Variants in POFUT3 observed in about 807,000 individuals in gnomAD.
POFUT3 encodes the protein protein O-fucosyltransferase 3, also known as GDP-fucose protein O-fucosyltransferase 3.
the POFUT3 span, among the ~76,000 whole-genome samples, chr8:33,408,478 T>A: frequency 6.6e-6 from 1 of 152,096 alleles, no homozygotes; most frequent in South Asian, 2.1e-4. Context: ...CTCAGGACAG[T>A]TAGTCATTTC....
the POFUT3 span, among the ~76,000 whole-genome samples, chr8:33,366,714 A>C: frequency 6.6e-6 from 1 of 152,216 alleles, no homozygotes; most frequent in Non-Finnish European, 1.5e-5. Context: ...TATCATTGGC[A>C]ACAAATTCTG....
At chr8:33,332,416 GA>G in the POFUT3 span, among the ~76,000 whole-genome samples, 3 of 150,010 alleles carry the variant, frequency 2.0e-5, no homozygotes, top group African/African-American at 4.9e-5. Context: ...GCTTAAACCT[GA>G]AAGGTTGCAG....
At chr8:33,396,299 C>G in the POFUT3 span, among the ~76,000 whole-genome samples, 1 of 152,152 alleles carries the variant, frequency 6.6e-6, no homozygotes, top group Non-Finnish European at 1.5e-5. Flanking sequence ...TTTTGCTCCA[C>G]CAGCCCTTCA....
the POFUT3 span, among the ~76,000 whole-genome samples, chr8:33,378,839 C>T: frequency 6.6e-6 from 1 of 152,092 alleles, no homozygotes; most frequent in African/African-American, 2.4e-5. Flanking sequence ...CAAAAGGTAA[C>T]AATAGCAACA....
the POFUT3 span, among the ~76,000 whole-genome samples, chr8:33,444,750 A>G: frequency 1.3e-5 from 2 of 152,056 alleles, no homozygotes; most frequent in Non-Finnish European, 2.9e-5. Context: ...CCCAGGAGGC[A>G]GAGGTTGTAG....
At chr8:33,399,699 G>A in the POFUT3 span, among the ~76,000 whole-genome samples, 7 of 151,416 alleles carry the variant, frequency 4.6e-5, no homozygotes, top group Non-Finnish European at 1.0e-4. Flanking sequence ...GTATTGCCCA[G>A]GCTGGAATGC....
At chr8:33,333,202 G>A in the POFUT3 span, among the ~76,000 whole-genome samples, 22 of 152,290 alleles carry the variant, frequency 1.4e-4, no homozygotes, top group Non-Finnish European at 2.8e-4. Context: ...AGGAAAGTGA[G>A]GAAGGGACTT....
At chr8:33,448,932 T>G in the POFUT3 span, among the ~76,000 whole-genome samples, 1 of 151,922 alleles carries the variant, frequency 6.6e-6, no homozygotes, top group Non-Finnish European at 1.5e-5. Flanking sequence ...AGACTCCATC[T>G]TAAAAAAAAA....
chr8:33,321,400 G>C, the POFUT3 span, among the ~76,000 whole-genome samples: 1 of 151,880 alleles, frequency 6.6e-6, no homozygotes, highest in Non-Finnish European at 1.5e-5. Flanking sequence ...CTGATGCTTC[G>C]TTGCTACCTG....
the POFUT3 span, among the ~76,000 whole-genome samples, chr8:33,471,265 T>G: frequency 1.3e-5 from 2 of 152,020 alleles, no homozygotes; most frequent in African/African-American, 4.8e-5. Flanking sequence ...GTTGTTTTGT[T>G]TTGAGACAGT....
At chr8:33,338,242 G>GT in the POFUT3 span, among the ~76,000 whole-genome samples, 14 of 152,270 alleles carry the variant, frequency 9.2e-5, no homozygotes, top group Admixed American at 3.3e-4. Flanking sequence ...CCTATAACTA[G>GT]TAGGGATAGT....
chr8:33,385,855 G>A, the POFUT3 span, among the ~76,000 whole-genome samples: 17 of 152,002 alleles, frequency 1.1e-4, no homozygotes, highest in Non-Finnish European at 1.5e-4. Context: ...CTTACTTTAC[G>A]TTGTGCCATA....
chr8:33,327,390 G>A, the POFUT3 span, among the ~76,000 whole-genome samples: 4 of 152,092 alleles, frequency 2.6e-5, no homozygotes, highest in East Asian at 7.7e-4. Flanking sequence ...GCAGACACTG[G>A]AAACTCTTTA....
the POFUT3 span, among the ~76,000 whole-genome samples, chr8:33,340,092 G>A: frequency 6.6e-6 from 1 of 152,050 alleles, no homozygotes; most frequent in Non-Finnish European, 1.5e-5. Flanking sequence ...TATTATAAGT[G>A]GAGAAGGGTA....
At chr8:33,345,153 T>G in the POFUT3 span, among the ~76,000 whole-genome samples, 9 of 152,208 alleles carry the variant, frequency 5.9e-5, no homozygotes, top group Admixed American at 2.6e-4. Flanking sequence ...AGAGAGGACT[T>G]GGATGACATC....
chr8:33,451,681 G>A, the POFUT3 span: 4 of 151,824 alleles, frequency 2.6e-5, no homozygotes, highest in African/African-American at 9.7e-5. Context: ...TATTGTATTA[G>A]TCCATTCTCA....
the POFUT3 span, among the ~76,000 whole-genome samples, chr8:33,424,491 A>G: frequency 6.6e-6 from 1 of 152,132 alleles, no homozygotes; most frequent in African/African-American, 2.4e-5. Flanking sequence ...TCCTCTTCCT[A>G]TACCACATCT....
At chr8:33,463,620 C>G in the POFUT3 span, among the ~76,000 whole-genome samples, 12 of 152,296 alleles carry the variant, frequency 7.9e-5, no homozygotes, top group East Asian at 2.3e-3. Flanking sequence ...TCATGGCTCA[C>G]TGTAGCCTCC....
At chr8:33,334,375 A>T in the POFUT3 span, among the ~76,000 whole-genome samples, 1 of 151,590 alleles carries the variant, frequency 6.6e-6, no homozygotes. Context: ...GCGCCACCAC[A>T]CTCGGCTAAG....
Sources: gnomAD v4.1 joint callset for allele counts (sites outside exome capture counted in the v4.1 genomes callset) on GRCh38, gnomAD v4.1.1 for gene constraint, MANE v1.5 for transcripts, NCBI Gene and HGNC (gene_info 2026-07-23, HGNC 2026-07-21) for gene names.